The following MYL4 variants were observed in gnomAD, a reference collection of about 807,000 sequenced individuals.
MYL4 encodes the protein myosin light chain 4, also known as atrial myosin light chain 1.
In MYL4, 16 loss-of-function variants were observed where a neutral mutation model predicts 21.6. The ratio of observed to expected loss-of-function variants is 0.74; its 90% CI spans 0.50 to 1.12. The LOEUF (loss-of-function observed/expected upper bound fraction) is 1.12. MYL4 is among the 50% of genes most tolerant of loss of function. The pLI is 0.00. For synonymous variants in MYL4, 82 were observed against 95.7 expected, an observed-to-expected ratio of 0.86 and a Z score of 0.83; for missense variants, 249 against 252.9, an observed-to-expected ratio of 0.98 and a Z score of 0.11.
upstream of MYL4, among the ~76,000 whole-genome samples, chr17:47,199,098 G>A (rs946311923): frequency 6.6e-5 from 10 of 151,004 alleles, no homozygotes; most frequent in Non-Finnish European, 1.0e-4. Context: ...AAATTTAGCC[G>A]GGCGTGGTGG....
chr17:47,221,735 A>C lies in MYL4; in HGVS notation c.367A>C (p.Ile123Leu). ...GACGTTCTTGCCCATCCTGCAGCAC[A>C]TTTCCCGCAACAAGGAGCAGGGCAC... ...FETFLPILQH[I>L]SRNKEQGTYE... The change falls in exon 4 of 7, where the codon ATT (isoleucine) becomes CTT (leucine). Residue 123 changes from isoleucine to leucine, a missense_variant. Coordinates refer to ENST00000393450, the MANE Select transcript of MYL4 (RefSeq NM_002476.2). 6.2e-7 allele frequency: 1 copy of C among 1,614,090 alleles called. No homozygotes were observed. The highest frequency in any genetic ancestry group is 8.5e-7 in the Non-Finnish European group (1 of 1,179,986).
chr17:47,211,888 G>A (rs992945166), intron 1 of MYL4, among the ~76,000 whole-genome samples: 1 of 152,096 alleles, frequency 6.6e-6, no homozygotes, highest in Admixed American at 6.6e-5. Context: ...GGTGGGGTGG[G>A]GTGCATAAGG....
the MYL4 span, among the ~76,000 whole-genome samples, chr17:47,190,055 A>G: frequency 6.6e-6 from 1 of 152,218 alleles, no homozygotes; most frequent in African/African-American, 2.4e-5. Flanking sequence ...GGGAGGAAAA[A>G]TGGGATCAGT....
At chr17:47,193,070 T>G in the MYL4 span, among the ~76,000 whole-genome samples, 4 of 152,158 alleles carry the variant, frequency 2.6e-5, no homozygotes, top group Admixed American at 6.6e-5. Context: ...GTAAGTGTAC[T>G]CTCCTGAAGT....
upstream of MYL4, among the ~76,000 whole-genome samples, chr17:47,207,382 C>T (rs540954537): frequency 1.3e-5 from 2 of 152,292 alleles, no homozygotes; most frequent in Admixed American, 6.5e-5. Context: ...GCAACTTCAA[C>T]GTTTCCCTGG....
upstream of MYL4, among the ~76,000 whole-genome samples, chr17:47,208,197 T>C (rs1353689356): frequency 6.6e-6 from 1 of 152,160 alleles, no homozygotes; most frequent in Non-Finnish European, 1.5e-5. Context: ...AGTGGATCCC[T>C]TGAGCTCAGG....
intron 1 of MYL4, among the ~76,000 whole-genome samples, chr17:47,210,367 G>A (rs2064765132): frequency 6.6e-6 from 1 of 152,188 alleles, no homozygotes; most frequent in Admixed American, 6.5e-5. Context: ...AGCTGCTGAA[G>A]GAATGGAACT....
chr17:47,198,255 A>T (rs2064696854), upstream of MYL4, among the ~76,000 whole-genome samples: 1 of 152,216 alleles, frequency 6.6e-6, no homozygotes, highest in South Asian at 2.1e-4. Flanking sequence ...AAATATTCTT[A>T]TCCAATTCCT....
upstream of MYL4, among the ~76,000 whole-genome samples, chr17:47,195,518 C>T (rs1046164974): frequency 6.6e-6 from 1 of 151,922 alleles, no homozygotes; most frequent in East Asian, 1.9e-4. Context: ...TGTGAGCCAC[C>T]GTGCCCAGCC....
chr17:47,221,720 C>A lies in MYL4; in HGVS notation c.352C>A (p.Pro118Thr). ...GATGCTGGACTTTGAGACGTTCTTG[C>A]CCATCCTGCAGCACATTTCCCGCAA... is the stretch of plus-strand genomic sequence containing the variant. ...VKMLDFETFL[P>T]ILQHISRNKE... Residue 118 changes from proline (P) to threonine (T), a missense_variant, in exon 4 of 7, where the codon CCC becomes ACC. Transcript: ENST00000393450. 1 of 1,614,038 alleles carries A rather than the reference C, an allele frequency of 6.2e-7. No individual in the cohort carries two copies. Among genetic ancestry groups the A allele is most frequent in the East Asian group, 2.2e-5 (1 of 44,876 alleles).
chr17:47,224,286 G>A (rs2064877130), downstream of MYL4, among the ~76,000 whole-genome samples: 1 of 152,152 alleles, frequency 6.6e-6, no homozygotes, highest in African/African-American at 2.4e-5. Context: ...ATCTTACATG[G>A]ATGGCGGCAG....
intron 2 of MYL4, among the ~76,000 whole-genome samples, chr17:47,217,579 G>A (rs751846218): frequency 2.7e-4 from 41 of 152,180 alleles, no homozygotes; most frequent in Admixed American, 1.2e-3. Flanking sequence ...ACATGGTTAA[G>A]TGATCCAAAT....
At chr17:47,198,296 A>T (rs933191077), upstream of MYL4, among the ~76,000 whole-genome samples, 7 of 152,218 alleles carry the variant, frequency 4.6e-5, no homozygotes. Context: ...TCTAACCAGA[A>T]GACTGCTTAC....
chr17:47,197,593 A>AC (rs2064694234), upstream of MYL4, among the ~76,000 whole-genome samples: 1 of 152,206 alleles, frequency 6.6e-6, no homozygotes, highest in Admixed American at 6.5e-5. Context: ...GATGGTGTAG[A>AC]AGCAATGTGC....
intron 2 of MYL4, among the ~76,000 whole-genome samples, chr17:47,214,733 TATA>T (rs1648437921): frequency 6.6e-6 from 1 of 152,222 alleles, no homozygotes; most frequent in Non-Finnish European, 1.5e-5. Flanking sequence ...CAGAAAAATA[TATA>T]ATGATACACA....
chr17:47,220,141 C>T (rs2064844966), intron 3 of MYL4, 88 bp downstream of exon 3: 2 of 1,438,612 alleles, frequency 1.4e-6, no homozygotes, highest in Admixed American at 2.5e-5. Flanking sequence ...CTGCCATCTG[C>T]ACTCTCTCTT....
At chr17:47,203,588 T>G (rs566795448) in intron 1 of MYL4, among the ~76,000 whole-genome samples, 1 of 152,200 alleles carries the variant, frequency 6.6e-6, no homozygotes, top group African/African-American at 2.4e-5. Flanking sequence ...ATTAGTAATA[T>G]TTTCGTTTAT....
At chr17:47,193,482 G>A in the MYL4 span, among the ~76,000 whole-genome samples, 3 of 152,214 alleles carry the variant, frequency 2.0e-5, no homozygotes, top group Admixed American at 2.0e-4. Flanking sequence ...TGGCTGGGCT[G>A]GTCTCGAACT....
chr17:47,205,150 T>C (rs1047351332), upstream of MYL4, among the ~76,000 whole-genome samples: 4 of 152,240 alleles, frequency 2.6e-5, no homozygotes, highest in Non-Finnish European at 4.4e-5. Context: ...TGACATCTGA[T>C]GTAAACCGGT....
Sources: allele counts gnomAD v4.1 joint callset (sites outside exome capture counted in the v4.1 genomes callset), GRCh38; gene constraint gnomAD v4.1.1; transcripts MANE v1.5; gene names NCBI Gene and HGNC (gene_info 2026-07-23, HGNC 2026-07-21).